Variants in KIAA1217 observed in about 807,000 individuals in gnomAD.
KIAA1217 encodes KIAA1217.
In KIAA1217, 88 loss-of-function variants were observed where a neutral mutation model predicts 163.9. The observed-to-expected ratio is 0.54, with a 90% CI of 0.45 to 0.64. The LOEUF (loss-of-function observed/expected upper bound fraction) is 0.64, where lower values mean the gene tolerates loss of function less well. Among genes scored for constraint, KIAA1217 ranks in the 30% least tolerant of loss-of-function variants. The probability of loss-of-function intolerance (pLI) is 0.00; values close to 1 mark genes in which losing one functional copy is unlikely to be tolerated. For synonymous variants in KIAA1217, 903 were observed against 923.1 expected (o/e 0.98, Z 0.39); for missense variants, 2,372 against 2,475.0 (o/e 0.96, Z 0.88).
At chr10:24,151,979 G>A (rs935296176) in intron 2 of KIAA1217, among the ~76,000 whole-genome samples, 4 of 152,108 alleles carry the variant, frequency 2.6e-5, no homozygotes, top group African/African-American at 9.7e-5. Flanking sequence ...ATATCCAAAG[G>A]TAAGTTTCTT....
Position 23,790,353 on chromosome 10 carries a change from A to G in KIAA1217, c.-321+95119A>G, listed in dbSNP as rs558563705. ...CATATATGCATATATACATATGCATATATGCATATATACATATACATATGT... is the reference window on the plus strand; with the variant it reads ...CATATATGCATATATACATATGCATGTATGCATATATACATATACATATGT... On this transcript the variant is annotated intron_variant, in intron 1 of 18. Coordinates refer to the KIAA1217 transcript ENST00000376462. Among the ~76,000 whole-genome samples the G allele has an allele frequency of 3.8e-5, 4 of 103,980 alleles. 1 individual carries two copies. The highest frequency in any genetic ancestry group is 2.8e-4 in the South Asian group (1 of 3,594). 68.2% of individuals were successfully genotyped at this position (103,980 alleles called of 152,430 possible).
chr10:23,926,356 A>G (rs978176352), intron 1 of KIAA1217, among the ~76,000 whole-genome samples: 1 of 152,204 alleles, frequency 6.6e-6, no homozygotes, highest in Non-Finnish European at 1.5e-5. Flanking sequence ...TACACATCTC[A>G]TATGAAAATG....
chr10:24,522,840 G>A (rs1223219297), intron 12 of KIAA1217, among the ~76,000 whole-genome samples: 1 of 152,098 alleles, frequency 6.6e-6, no homozygotes, highest in Non-Finnish European at 1.5e-5. Flanking sequence ...TATTACAGGC[G>A]GTGGCGTGCC....
chr10:24,184,914 GA>G (rs1385589587), intron 2 of KIAA1217, among the ~76,000 whole-genome samples: 1 of 151,852 alleles, frequency 6.6e-6, no homozygotes, highest in Admixed American at 6.6e-5. Context: ...TATTATCTCA[GA>G]AAAAAATATG....
At chr10:24,313,086 T>G (rs1219439790) in intron 2 of KIAA1217, among the ~76,000 whole-genome samples, 1 of 152,182 alleles carries the variant, frequency 6.6e-6, no homozygotes, top group Non-Finnish European at 1.5e-5. Context: ...ATACTTTTAT[T>G]TAATAAGACA....
At chr10:24,499,525 G>A (rs569824001) in intron 8 of KIAA1217, among the ~76,000 whole-genome samples, 28 of 152,308 alleles carry the variant, frequency 1.8e-4, no homozygotes, top group African/African-American at 6.3e-4. Flanking sequence ...CTGAGGTCAG[G>A]AGTCCGAGAC....
intron 2 of KIAA1217, among the ~76,000 whole-genome samples, chr10:24,033,708 A>G (rs1366854210): frequency 2.0e-5 from 3 of 152,226 alleles, no homozygotes; most frequent in Non-Finnish European, 4.4e-5. Context: ...AGGAATCAGA[A>G]TACTATGCAT....
chr10:24,536,644 C>T, intron 16 of KIAA1217, 130 bp from the exon 17 acceptor site: 2 of 835,602 alleles, frequency 2.4e-6, no homozygotes, highest in Non-Finnish European at 3.7e-6. Context: ...CAGGGTGCTG[C>T]CTCCCTGGCC....
chr10:24,390,529 G>GAAGA (rs1280188600), intron 3 of KIAA1217, among the ~76,000 whole-genome samples: 25 of 136,076 alleles, frequency 1.8e-4, no homozygotes, highest in African/African-American at 6.5e-4. Flanking sequence ...AGGAAGGAAG[G>GAAGA]AAAATTATGA....
chr10:24,433,209 A>T lies in KIAA1217; in HGVS notation c.752+16A>T. ...ATGATGTAAGGTAAGTTGTGACATC[A>T]TTTTTTGCCTGCCATTTTGCCTTAG... On this transcript the variant is annotated intron_variant, in intron 4 of 20. Transcript: ENST00000376454. 6.3e-7 allele frequency: 1 copy of T among 1,585,928 alleles called. No homozygotes were observed.
chr10:23,711,077 G>A (rs982849693), intron 1 of KIAA1217, among the ~76,000 whole-genome samples: 1 of 152,188 alleles, frequency 6.6e-6, no homozygotes, highest in African/African-American at 2.4e-5. Flanking sequence ...GCTCAGATGT[G>A]CATACAGAAG....
At chr10:23,763,235 C>A (rs1440300793) in intron 1 of KIAA1217, among the ~76,000 whole-genome samples, 1 of 152,208 alleles carries the variant, frequency 6.6e-6, no homozygotes, top group Non-Finnish European at 1.5e-5. Flanking sequence ...CTACCATTGG[C>A]ATTCTTCACA....
At chr10:23,916,427 T>C (rs1842634764) in intron 1 of KIAA1217, among the ~76,000 whole-genome samples, 1 of 152,214 alleles carries the variant, frequency 6.6e-6, no homozygotes, top group African/African-American at 2.4e-5. Context: ...CCTCAGGCAA[T>C]GTGTCTCTTC....
intron 2 of KIAA1217, among the ~76,000 whole-genome samples, chr10:24,319,375 CAAAAAAAAAAAAAAAAA>C (rs34410717): frequency 4.4e-5 from 2 of 45,812 alleles, no homozygotes; most frequent in South Asian, 1.0e-3. Context: ...GACGTTGTCT[CAAAAAAAAAAAAAAAAA>C]AAAAAAAAAA....
At chr10:24,248,670 C>CA (rs929995548) in intron 2 of KIAA1217, among the ~76,000 whole-genome samples, 14,959 of 36,272 alleles carry the variant, frequency 0.41, 3,921 homozygotes, top group Non-Finnish European at 0.54. Context: ...GACTCCATCT[C>CA]AAAAAAAAAA....
intron 2 of KIAA1217, among the ~76,000 whole-genome samples, chr10:24,152,177 T>C (rs982345626): frequency 4.6e-5 from 7 of 152,224 alleles, no homozygotes; most frequent in African/African-American, 1.7e-4. Context: ...AGCTCAGCAT[T>C]TAGTATTCAT....
At position 24,531,934 on chromosome 10, in the gene KIAA1217, A is replaced by G; in HGVS notation, c.3187A>G (p.Thr1063Ala). The G allele has an allele frequency of 1.2e-6, 2 of 1,609,594 alleles. No homozygotes were observed. The highest frequency in any genetic ancestry group is 1.7e-6 in the Non-Finnish European group (2 of 1,177,368). ...RRSYLPGSGL[T>A]TTRSGDVVYT... The stretch of plus-strand genomic sequence containing the variant: ...AAGCTACCTGCCAGGATCGGGACTC[A>G]CCACCACGAGGTCAGGCGATGTGGT... Residue 1063 changes from threonine to alanine, a missense_variant, in exon 15 of 21, where the codon ACC becomes GCC. Transcript: ENST00000376454.
chr10:23,918,216 C>G (rs1589073941), intron 1 of KIAA1217, among the ~76,000 whole-genome samples: 1 of 149,566 alleles, frequency 6.7e-6, no homozygotes, highest in East Asian at 2.0e-4. Context: ...TTCTCAAACT[C>G]CTGACCTCAA....
chr10:24,127,907 A>T (rs560484047), intron 2 of KIAA1217, among the ~76,000 whole-genome samples: 1 of 152,224 alleles, frequency 6.6e-6, no homozygotes, highest in South Asian at 2.1e-4. Flanking sequence ...CATGTTAGTA[A>T]TAAGTCAGCA....
Sources: allele counts gnomAD v4.1 joint callset (sites outside exome capture counted in the v4.1 genomes callset), GRCh38; gene constraint gnomAD v4.1.1; transcripts MANE v1.5; gene names NCBI Gene and HGNC (gene_info 2026-07-23, HGNC 2026-07-21).